DSCAM: variants seen among roughly 807,000 people sequenced by gnomAD.
DSCAM encodes cell adhesion molecule DSCAM.
Under a neutral mutation model 217.7 loss-of-function variants are expected in DSCAM, and 47 were observed. The ratio of observed to expected loss-of-function variants is 0.22; its 90% confidence interval spans 0.17 to 0.28. The LOEUF (loss-of-function observed/expected upper bound fraction) is 0.28. Ranked by LOEUF, DSCAM falls within the 10% of genes least tolerant of loss-of-function variation. DSCAM has a pLI of 1.00. For synonymous variants in DSCAM, 1,056 were observed against 1,015.3 expected, an observed-to-expected ratio of 1.04 and a Z score of -0.76; for missense variants, 2,080 against 2,618.3, an observed-to-expected ratio of 0.79 and a Z score of 4.49.
At chr21:40,578,935 G>A (rs2076880017) in intron 3 of DSCAM, among the ~76,000 whole-genome samples, 1 of 152,174 alleles carries the variant, frequency 6.6e-6, no homozygotes, top group Non-Finnish European at 1.5e-5. Context: ...GAAACATAGT[G>A]TGGATGAAGA....
At chr21:40,466,383 C>G (rs1422828712) in intron 3 of DSCAM, among the ~76,000 whole-genome samples, 1 of 152,082 alleles carries the variant, frequency 6.6e-6, no homozygotes, top group African/African-American at 2.4e-5. Flanking sequence ...CCACGTAGCC[C>G]CAGGGTTACA....
In DSCAM at chr21:40,585,179, C is replaced by CTTTCTTTTTTTTTTT. The variant is rs371140909; in HGVS notation, c.508+107630_508+107631insAAAAAAAAAAAGAAA. 2.1e-5 allele frequency among the ~76,000 whole-genome samples: 3 copies of CTTTCTTTTTTTTTTT among 145,916 alleles called. 1 individual carries two copies. The highest frequency in any genetic ancestry group is 1.5e-5 in the Non-Finnish European group (1 of 66,686). ...GTAGAACCGCGAGACAAATCAACTT[C>CTTTCTTTTTTTTTTT]TTTTTTTTTTTTTTTACAACTTACC... is the stretch of plus-strand genomic sequence containing the variant. On this transcript the variant is annotated intron_variant, in intron 3 of 32. Coordinates refer to ENST00000400454, the MANE Select transcript of DSCAM (RefSeq NM_001389.5).
chr21:40,837,008 C>T (rs2092062316), intron 1 of DSCAM, among the ~76,000 whole-genome samples: 1 of 152,212 alleles, frequency 6.6e-6, no homozygotes, highest in Admixed American at 6.5e-5. Flanking sequence ...TTCTCCCTGA[C>T]CCAGAACACC....
chr21:40,125,208 A>G (rs2090081300), intron 19 of DSCAM, among the ~76,000 whole-genome samples: 1 of 152,242 alleles, frequency 6.6e-6, no homozygotes, highest in Non-Finnish European at 1.5e-5. Flanking sequence ...AGAAGGCAGA[A>G]CATGGTGGCA....
chr21:40,635,094 G>A (rs138822896), intron 3 of DSCAM, among the ~76,000 whole-genome samples: 3 of 152,086 alleles, frequency 2.0e-5, no homozygotes, highest in African/African-American at 7.2e-5. Flanking sequence ...AAAGAATGAC[G>A]GCATCTGGGA....
intron 3 of DSCAM, among the ~76,000 whole-genome samples, chr21:40,576,360 T>G (rs186830622): frequency 1.3e-5 from 2 of 152,306 alleles, no homozygotes; most frequent in African/African-American, 4.8e-5. Context: ...TAAAACTAAT[T>G]TGTGTTCAAA....
At position 40,182,244 on chromosome 21, in the gene DSCAM, A is replaced by G. The variant is rs1013146225; in HGVS notation, c.2780-3150T>C. ...AGGGAGCGGGCCCTTCATGTTGGTG[A>G]ATAGGAGGAGGTGTGGGGACACAGG... On this transcript the variant is annotated intron_variant, in intron 14 of 32. Coordinates refer to ENST00000400454, the MANE Select transcript of DSCAM (RefSeq NM_001389.5). Among the ~76,000 whole-genome samples the G allele has an allele frequency of 2.6e-5, 4 of 152,164 alleles. No individual in the cohort carries two copies. In the East Asian group the frequency reaches 5.8e-4, roughly 22 times the overall value.
rs1161394393 is a variant in DSCAM at position 40,694,006 on chromosome 21, G to A, written c.362-1050C>T. ...GATGTTGGTAGCATCTGCCCCCTAG[G>A]GTGACTGTGGTGAATCAGTTAACGT... On this transcript the variant is annotated intron_variant, in intron 2 of 32. Transcript: ENST00000400454. Among the ~76,000 whole-genome samples, 6 of 152,136 alleles carry A rather than the reference G, an allele frequency of 3.9e-5. No homozygotes were observed. In the East Asian group the frequency reaches 1.2e-3, roughly 29 times the overall value.
intron 32 of DSCAM, among the ~76,000 whole-genome samples, chr21:40,019,856 A>G (rs756911341): frequency 1.2e-4 from 18 of 152,190 alleles, no homozygotes; most frequent in Non-Finnish European, 2.5e-4. Flanking sequence ...AATGATTTCC[A>G]TACTCTATGG....
chr21:40,453,135 G>T (rs765028466), intron 3 of DSCAM, among the ~76,000 whole-genome samples: 1 of 148,046 alleles, frequency 6.8e-6, no homozygotes, highest in Non-Finnish European at 1.5e-5. Flanking sequence ...ACACACATAA[G>T]TAATATCACA....
rs537507618 is a variant in DSCAM at position 40,215,914 on chromosome 21, G to A, written c.2357-26676C>T. Among the ~76,000 whole-genome samples, 6 of 150,644 alleles carry A rather than the reference G, an allele frequency of 4.0e-5. No homozygotes were observed. The South Asian group carries it at 1.1e-3, about 27-fold the overall frequency. ...TTTGTCTACATTCTGTATAAAAAAG[G>A]TGAAACTGCTCCTTTTCTTCTCCTT... On this transcript the variant is annotated intron_variant, in intron 11 of 32. Transcript: ENST00000400454.
At chr21:40,293,368 G>T (rs114396970) in intron 10 of DSCAM, among the ~76,000 whole-genome samples, 1 of 152,072 alleles carries the variant, frequency 6.6e-6, no homozygotes, top group South Asian at 2.1e-4. Context: ...GGTGGCCATC[G>T]TTTGAGGATG....
intron 3 of DSCAM, among the ~76,000 whole-genome samples, chr21:40,508,734 AATATATATATATATAT>A (rs760072956): frequency 2.2e-4 from 10 of 45,852 alleles, no homozygotes; most frequent in East Asian, 1.4e-3. Flanking sequence ...ACACCCGGCA[AATATATATATATATAT>A]ATATATATAT....
chr21:40,134,113 T>C (rs1032668160), intron 18 of DSCAM, 104 bp from the exon 19 acceptor site: 1 of 1,408,560 alleles, frequency 7.1e-7, no homozygotes, highest in Non-Finnish European at 9.5e-7. Context: ...CCATCACCCG[T>C]CCAGCCATCA....
intron 18 of DSCAM, among the ~76,000 whole-genome samples, chr21:40,136,611 G>A (rs1018596333): frequency 2.0e-5 from 3 of 152,148 alleles, no homozygotes; most frequent in Non-Finnish European, 4.4e-5. Context: ...ATATACACAC[G>A]CAATCAATAA....
intron 20 of DSCAM, among the ~76,000 whole-genome samples, chr21:40,123,328 G>C (rs1247063827): frequency 6.6e-6 from 1 of 152,210 alleles, no homozygotes; most frequent in Non-Finnish European, 1.5e-5. Flanking sequence ...AACAAAACCA[G>C]TGTGTATATT....
Position 40,819,365 on chromosome 21 carries a change from C to T in DSCAM, c.43+27254G>A, listed in dbSNP as rs1341019130. On this transcript the variant is annotated intron_variant, in intron 1 of 32. Coordinates refer to ENST00000400454, the MANE Select transcript of DSCAM (RefSeq NM_001389.5). ...TTTTCAGCCCCATGTGAACCTTCCC[C>T]AGACAGTGGGGGCAGTCTATGTCGT... Among the ~76,000 whole-genome samples, 3 of 152,212 alleles carry T rather than the reference C, an allele frequency of 2.0e-5. No homozygotes were observed. In the South Asian group the frequency reaches 6.2e-4, roughly 31 times the overall value.
chr21:40,293,827 GAA>G (rs532224810), intron 10 of DSCAM, among the ~76,000 whole-genome samples: 2 of 147,052 alleles, frequency 1.4e-5, no homozygotes, highest in Non-Finnish European at 3.0e-5. Context: ...TCTGTCTCCA[GAA>G]AAAAAAAAGT....
intron 32 of DSCAM, among the ~76,000 whole-genome samples, chr21:40,036,590 A>G (rs2088628633): frequency 6.7e-6 from 1 of 148,562 alleles, no homozygotes; most frequent in Admixed American, 6.6e-5. Context: ...CAGAGGTACA[A>G]GAAGGAACTG....
Sources: allele counts gnomAD v4.1 joint callset (sites outside exome capture counted in the v4.1 genomes callset), GRCh38; gene constraint gnomAD v4.1.1; transcripts MANE v1.5; gene names NCBI Gene and HGNC (gene_info 2026-07-23, HGNC 2026-07-21).